Variants in RIMS1 observed in about 807,000 individuals in gnomAD.
The protein encoded by RIMS1 is regulating synaptic membrane exocytosis 1.
A neutral mutation model predicts 214.1 loss-of-function variants in RIMS1; 83 were observed. The ratio of observed to expected loss-of-function variants is 0.39; its 90% CI spans 0.32 to 0.47. The LOEUF is 0.47. Ranked by LOEUF, RIMS1 falls within the 20% of genes least tolerant of loss-of-function variation. The probability of loss-of-function intolerance (pLI) is 0.99; values close to 1 mark genes in which losing one functional copy is unlikely to be tolerated. For missense variants in RIMS1, 2,050 were observed against 2,161.8 expected, an observed-to-expected ratio of 0.95 and a Z score of 1.03; for synonymous variants, 793 against 786.8, an observed-to-expected ratio of 1.01 and a Z score of -0.13.
rs550590413 is a variant in RIMS1, at chr6:72,129,713, T to C, written c.471+29727T>C. Among the ~76,000 whole-genome samples, 3 of 152,176 alleles carry C rather than the reference T, an allele frequency of 2.0e-5. No homozygotes were observed. In the East Asian group the frequency reaches 5.8e-4, roughly 29 times the overall value. On this transcript the variant is annotated intron_variant, in intron 4 of 33. Coordinates refer to ENST00000521978, the MANE Select transcript of RIMS1 (RefSeq NM_014989.7). ...GTGATTTACTTCTCTTAAAATGTATTAAACCAGAGAAAACTGCTAAAAAAA... is the reference window on the plus strand; with the variant it reads ...GTGATTTACTTCTCTTAAAATGTATCAAACCAGAGAAAACTGCTAAAAAAA...
chr6:72,008,081 G>A (rs1465752766), intron 2 of RIMS1, among the ~76,000 whole-genome samples: 3 of 152,020 alleles, frequency 2.0e-5, no homozygotes, highest in Non-Finnish European at 2.9e-5. Flanking sequence ...GAGAAAGGTC[G>A]GGTTACCCAC....
chr6:72,125,731 G>C (rs976061388), intron 4 of RIMS1, among the ~76,000 whole-genome samples: 2 of 152,212 alleles, frequency 1.3e-5, no homozygotes, highest in Non-Finnish European at 2.9e-5. Flanking sequence ...CCACCTCGCA[G>C]TTGGATCTCA....
chr6:72,052,456 G>A (rs1243633600), intron 2 of RIMS1, among the ~76,000 whole-genome samples: 1 of 152,098 alleles, frequency 6.6e-6, no homozygotes, highest in East Asian at 1.9e-4. Flanking sequence ...TATCTCTGCA[G>A]GTGTACTTCC....
chr6:72,342,595 CTG>C (rs1209620680), intron 29 of RIMS1, among the ~76,000 whole-genome samples: 2 of 150,806 alleles, frequency 1.3e-5, no homozygotes, highest in Non-Finnish European at 3.0e-5. Flanking sequence ...GTACCAGACT[CTG>C]TAATTGAGGG....
rs1227035741 is a variant in RIMS1 at position 72,265,245 on chromosome 6, CTT to C, written c.3195-144_3195-143del. ...ATCTAAAATCGTTTTAACTATAAAACTTAGTACTAGAATAATTCTCTGAATGA... is the reference window on the plus strand; with the variant it reads ...ATCTAAAATCGTTTTAACTATAAAACAGTACTAGAATAATTCTCTGAATGA... On this transcript the variant is annotated intron_variant, in intron 20 of 33. Coordinates refer to ENST00000521978, the MANE Select transcript of RIMS1 (RefSeq NM_014989.7). 5.0e-6 allele frequency: 3 copies of C among 601,710 alleles called. No homozygotes were observed. In the African/African-American group the frequency reaches 5.7e-5, roughly 11 times the overall value. 37.3% of individuals were successfully genotyped at this position (601,710 alleles called of 1,614,324 possible). A position where few individuals can be genotyped will look rare whatever the true frequency, so the allele number is the denominator to read the frequency against.
chr6:72,278,871 G>A (rs993484271), intron 23 of RIMS1, among the ~76,000 whole-genome samples: 8 of 151,930 alleles, frequency 5.3e-5, no homozygotes, highest in African/African-American at 1.9e-4. Flanking sequence ...AGTAAATAGG[G>A]TGATAGAGAT....
intron 4 of RIMS1, among the ~76,000 whole-genome samples, chr6:72,161,835 G>C (rs1240409089): frequency 7.1e-6 from 1 of 140,862 alleles, no homozygotes; most frequent in Admixed American, 7.3e-5. Context: ...GAATAAGTGT[G>C]ATGTGGTGCT....
chr6:72,384,250 T>C (rs1472111240), intron 29 of RIMS1, among the ~76,000 whole-genome samples: 2 of 152,170 alleles, frequency 1.3e-5, no homozygotes, highest in African/African-American at 4.8e-5. Context: ...CCTCCCCTAA[T>C]ACTGTGTGAC....
At chr6:72,212,865 TTTTATCCAAGCAG>T in intron 6 of RIMS1, 1 of 1,155,890 alleles carries the variant, frequency 8.7e-7, no homozygotes, top group Non-Finnish European at 1.1e-6. Context: ...GTCTACAGTA[TTTTATCCAAGCAG>T]TCCTTTGGGT....
At chr6:72,036,945 C>T (rs1051490449) in intron 2 of RIMS1, among the ~76,000 whole-genome samples, 6 of 152,238 alleles carry the variant, frequency 3.9e-5, no homozygotes, top group Admixed American at 6.5e-5. Context: ...TGAACTTTCT[C>T]GTAGCAACCA....
intron 2 of RIMS1, among the ~76,000 whole-genome samples, chr6:71,991,957 T>C (rs983068900): frequency 2.0e-5 from 3 of 151,832 alleles, no homozygotes; most frequent in Non-Finnish European, 4.4e-5. Flanking sequence ...CCCAGCTACT[T>C]GGGAGGCTGA....
intron 2 of RIMS1, among the ~76,000 whole-genome samples, chr6:71,973,635 A>G (rs2151397241): frequency 6.6e-6 from 1 of 152,278 alleles, no homozygotes; most frequent in South Asian, 2.1e-4. Flanking sequence ...AGAGTTGTCC[A>G]GGAGAGCCCT....
chr6:72,170,949 A>C (rs1047300293), intron 4 of RIMS1, among the ~76,000 whole-genome samples: 2 of 152,126 alleles, frequency 1.3e-5, no homozygotes, highest in Non-Finnish European at 2.9e-5. Flanking sequence ...CCTAACATAG[A>C]GTCTATGAAA....
At chr6:72,066,183 C>T (rs950606586) in intron 2 of RIMS1, among the ~76,000 whole-genome samples, 1 of 152,202 alleles carries the variant, frequency 6.6e-6, no homozygotes, top group Non-Finnish European at 1.5e-5. Context: ...TATCTTCTTA[C>T]ATATCTACAG....
intron 5 of RIMS1, among the ~76,000 whole-genome samples, chr6:72,181,339 C>T (rs2048370414): frequency 6.6e-6 from 1 of 152,114 alleles, no homozygotes; most frequent in South Asian, 2.1e-4. Flanking sequence ...ATAGAAAGGA[C>T]ACCAGAGATA....
intron 2 of RIMS1, among the ~76,000 whole-genome samples, chr6:72,009,845 A>C (rs1809637262): frequency 6.6e-6 from 1 of 152,194 alleles, no homozygotes; most frequent in South Asian, 2.1e-4. Flanking sequence ...TAGCTTCCCA[A>C]CCAAAAAAAT....
chr6:72,293,191 A>G (rs2093646763), intron 26 of RIMS1, among the ~76,000 whole-genome samples: 1 of 151,996 alleles, frequency 6.6e-6, no homozygotes, highest in Admixed American at 6.6e-5. Flanking sequence ...CTGAGTTTAT[A>G]TTTTTTAAAA....
intron 6 of RIMS1, among the ~76,000 whole-genome samples, chr6:72,188,905 A>G (rs969390107): frequency 5.3e-5 from 8 of 152,164 alleles, no homozygotes; most frequent in African/African-American, 1.7e-4. Flanking sequence ...CCAAGCCAAC[A>G]CTGCAATTCC....
chr6:72,191,348 ACCCC>A (rs1366858745), intron 6 of RIMS1, among the ~76,000 whole-genome samples: 7 of 152,164 alleles, frequency 4.6e-5, no homozygotes, highest in Non-Finnish European at 1.0e-4. Context: ...ACACCACAGG[ACCCC>A]TAGAAATTTT....
Sources: allele counts gnomAD v4.1 joint callset (sites outside exome capture counted in the v4.1 genomes callset), GRCh38; gene constraint gnomAD v4.1.1; transcripts MANE v1.5; gene names NCBI Gene and HGNC (gene_info 2026-07-23, HGNC 2026-07-21).